The following SNX29 variants were observed in gnomAD, a reference collection of about 807,000 sequenced individuals.
SNX29 encodes the protein sorting nexin 29.
Under a neutral mutation model 102.1 loss-of-function variants are expected in SNX29, and 78 were observed. That is an observed-to-expected ratio of 0.76 (90% CI 0.64 to 0.92). The LOEUF (loss-of-function observed/expected upper bound fraction) is 0.92. Among genes scored for constraint, SNX29 ranks in the 40% least tolerant of loss-of-function variants. SNX29 has a pLI of 0.00. For synonymous variants in SNX29, 580 were observed against 414.5 expected (o/e 1.40, Z -4.85); for missense variants, 1,280 against 1,061.7 (o/e 1.21, Z -2.86).
intron 14 of SNX29, among the ~76,000 whole-genome samples, chr16:12,208,464 A>G (rs905751789): frequency 6.6e-6 from 1 of 152,200 alleles, no homozygotes; most frequent in Non-Finnish European, 1.5e-5. Flanking sequence ...AAGGGTGTCC[A>G]AGAATGTGCT....
Position 12,042,964 on chromosome 16 carries a change from G to A in SNX29, c.315G>A (p.Leu105=). Residue 105 remains leucine (L), a synonymous_variant, in exon 5 of 21, where the codon CTG becomes CTA. Coordinates refer to ENST00000566228, the MANE Select transcript of SNX29 (RefSeq NM_032167.5). ...NKHELQRFYS[L]RHIASDVGRG... is the part of the protein sequence containing the mutation. ...ACGAGCTGCAGCGCTTCTACTCCCTGCGCCACATCGCCTCAGACGTGGGCC... is the reference window on the plus strand; with the variant it reads ...ACGAGCTGCAGCGCTTCTACTCCCTACGCCACATCGCCTCAGACGTGGGCC... 1 of 1,613,904 alleles carries A rather than the reference G, an allele frequency of 6.2e-7. No individual in the cohort carries two copies. The highest frequency in any genetic ancestry group is 1.1e-5 in the South Asian group (1 of 91,058).
chr16:12,247,533 G>A (rs1320758082), intron 14 of SNX29, among the ~76,000 whole-genome samples: 1 of 152,178 alleles, frequency 6.6e-6, no homozygotes, highest in Admixed American at 6.5e-5. Context: ...CTTGTCACGA[G>A]AAAGGAACTG....
chr16:12,543,229 A>C (rs1383903443), intron 20 of SNX29, among the ~76,000 whole-genome samples: 1 of 152,216 alleles, frequency 6.6e-6, no homozygotes, highest in Non-Finnish European at 1.5e-5. Context: ...GCTGTAGCGG[A>C]AATTCTAGAG....
At chr16:12,555,564 C>CCTA (rs2141399156) in intron 20 of SNX29, among the ~76,000 whole-genome samples, 1 of 151,826 alleles carries the variant, frequency 6.6e-6, no homozygotes, top group Non-Finnish European at 1.5e-5. Context: ...TGAGCACCCT[C>CCTA]ATCTCTCACC....
At chr16:12,069,961 C>T (rs1056688266) in intron 10 of SNX29, among the ~76,000 whole-genome samples, 12 of 141,678 alleles carry the variant, frequency 8.5e-5, no homozygotes, top group African/African-American at 3.2e-4. Context: ...TACAGGCCAC[C>T]GTGCCCGGCC....
intron 19 of SNX29, among the ~76,000 whole-genome samples, chr16:12,514,830 A>G (rs1171226571): frequency 1.3e-5 from 2 of 151,998 alleles, no homozygotes; most frequent in African/African-American, 4.8e-5. Flanking sequence ...GTGCCACTGC[A>G]CTCTAGCCTG....
chr16:12,314,958 G>A (rs559213812), intron 15 of SNX29, among the ~76,000 whole-genome samples: 2 of 152,332 alleles, frequency 1.3e-5, no homozygotes, highest in South Asian at 4.1e-4. Context: ...AATTATTAAT[G>A]GATGTGGTAT....
intron 15 of SNX29, among the ~76,000 whole-genome samples, chr16:12,344,515 G>C (rs774853602): frequency 6.6e-6 from 1 of 152,120 alleles, no homozygotes; most frequent in Non-Finnish European, 1.5e-5. Context: ...TAGATGCTCA[G>C]TAGATGTTTG....
chr16:12,156,857 A>G (rs1465054883), intron 13 of SNX29, among the ~76,000 whole-genome samples: 4 of 152,056 alleles, frequency 2.6e-5, no homozygotes, highest in African/African-American at 9.7e-5. Context: ...CCTCCCCTGG[A>G]GCTCGGGTGT....
At chr16:12,467,607 C>CGTTT (rs1299199802) in intron 18 of SNX29, among the ~76,000 whole-genome samples, 2 of 143,626 alleles carry the variant, frequency 1.4e-5, no homozygotes, top group African/African-American at 5.7e-5. Context: ...TTCGTTTGTT[C>CGTTT]GTTTGTTCGT....
chr16:12,142,513 A>G (rs2054901995), intron 13 of SNX29, among the ~76,000 whole-genome samples: 1 of 152,180 alleles, frequency 6.6e-6, no homozygotes, highest in African/African-American at 2.4e-5. Context: ...GTTTTCCTGC[A>G]GTTTGATGCT....
intron 20 of SNX29, among the ~76,000 whole-genome samples, chr16:12,563,568 C>T (rs1055379423): frequency 3.9e-5 from 6 of 152,054 alleles, no homozygotes; most frequent in African/African-American, 1.4e-4. Flanking sequence ...TACCCCACCC[C>T]TTTGGGTGGT....
At chr16:12,326,161 A>C (rs1052947645) in intron 15 of SNX29, among the ~76,000 whole-genome samples, 1 of 151,752 alleles carries the variant, frequency 6.6e-6, no homozygotes, top group Non-Finnish European at 1.5e-5. Context: ...TGCACGTGCC[A>C]CCACGTCTGG....
At chr16:12,489,471 T>A (rs2088426860) in intron 19 of SNX29, among the ~76,000 whole-genome samples, 1 of 152,116 alleles carries the variant, frequency 6.6e-6, no homozygotes, top group Non-Finnish European at 1.5e-5. Flanking sequence ...GGGCTGTGGA[T>A]TCAGATCCTG....
In SNX29 at chr16:12,560,188, T is replaced by TAA. The variant is rs1387160087; in HGVS notation, c.2319-8317_2319-8316dup. On this transcript the variant is annotated intron_variant, in intron 20 of 20. Coordinates refer to ENST00000566228, the MANE Select transcript of SNX29 (RefSeq NM_032167.5). Reference sequence around the variant, plus strand: ...TCTCACTTTTTTTTAATTCACCATTTAACTTGTGCTTGTAGAAGAGCAACT... The same window carrying TAA: ...TCTCACTTTTTTTTAATTCACCATTTAAAACTTGTGCTTGTAGAAGAGCAACT... Among the ~76,000 whole-genome samples the TAA allele has an allele frequency of 2.0e-5, 3 of 149,452 alleles. No individual in the cohort carries two copies. The East Asian group carries it at 5.9e-4, about 29-fold the overall frequency.
intron 16 of SNX29, among the ~76,000 whole-genome samples, chr16:12,391,771 C>T (rs1285366343): frequency 1.3e-5 from 2 of 152,210 alleles, no homozygotes; most frequent in African/African-American, 4.8e-5. Context: ...AATGTCCCTT[C>T]ATGCCATTTC....
At chr16:12,193,920 G>A (rs1255374832) in intron 13 of SNX29, among the ~76,000 whole-genome samples, 2 of 152,196 alleles carry the variant, frequency 1.3e-5, no homozygotes, top group Admixed American at 1.3e-4. Context: ...ATTGGGCAAT[G>A]TGAGTCTTCC....
At chr16:12,216,125 T>G (rs1314846913) in intron 14 of SNX29, among the ~76,000 whole-genome samples, 1 of 152,150 alleles carries the variant, frequency 6.6e-6, no homozygotes, top group African/African-American at 2.4e-5. Context: ...TTCTTTCTCC[T>G]TATTAAAAAC....
rs2079188833 is a variant in SNX29 at position 12,571,584 on chromosome 16, C to T, written c.*2955C>T. The T allele has an allele frequency of 3.8e-6, 4 of 1,049,794 alleles. No homozygotes were observed. Among genetic ancestry groups the T allele is most frequent in the Non-Finnish European group, 4.6e-6 (4 of 866,156 alleles). The allele number at this position is 1,049,794 out of a possible 1,614,324, so 65.0% of individuals were successfully genotyped here. On this transcript the variant is annotated 3_prime_UTR_variant, in exon 21 of 21. Transcript: ENST00000566228. The stretch of plus-strand genomic sequence containing the variant: ...CGAATCCTTCTGTCTTCATGGCCTG[C>T]TGTGCTGAAACAGAACAGCAGGTTC...
Sources: gnomAD v4.1 joint callset for allele counts (sites outside exome capture counted in the v4.1 genomes callset) on GRCh38, gnomAD v4.1.1 for gene constraint, MANE v1.5 for transcripts, NCBI Gene and HGNC (gene_info 2026-07-23, HGNC 2026-07-21) for gene names.